CADM2: variants seen among roughly 807,000 people sequenced by gnomAD.
CADM2 encodes immunoglobulin superfamily member 4D.
A neutral mutation model predicts 49.8 loss-of-function variants in CADM2; 12 were observed. The ratio of observed to expected loss-of-function variants is 0.24; its 90% CI spans 0.15 to 0.39. The LOEUF (loss-of-function observed/expected upper bound fraction) is 0.39, where lower values mean the gene tolerates loss of function less well. CADM2 is among the 10% of genes least tolerant of loss of function. CADM2 has a pLI of 1.00. For missense variants in CADM2, 378 were observed against 492.3 expected (o/e 0.77, Z 2.20); for synonymous variants, 214 against 175.4 (o/e 1.22, Z -1.74).
chr3:85,629,571 C>G lies in CADM2; in HGVS notation c.62-96951C>G, dbSNP rs551986955. ...AGCAGTGGTGATTTTTGATGGCCTC[C>G]AAGATGTCAGCCATTGTATTAGATG... is the stretch of plus-strand genomic sequence containing the variant. On this transcript the variant is annotated intron_variant, in intron 1 of 9. Coordinates refer to ENST00000383699, the MANE Select transcript of CADM2 (RefSeq NM_001167675.2). Among the ~76,000 whole-genome samples, 8 of 151,998 alleles carry G rather than the reference C, an allele frequency of 5.3e-5. 1 individual carries two copies. In the South Asian group the frequency reaches 1.7e-3, roughly 32 times the overall value.
At chr3:85,764,671 C>T (rs1213752930) in intron 2 of CADM2, among the ~76,000 whole-genome samples, 1 of 151,954 alleles carries the variant, frequency 6.6e-6, no homozygotes, top group East Asian at 1.9e-4. Flanking sequence ...ATCAGCATAT[C>T]AAGAGTGGGG....
At chr3:85,160,697 A>G (rs1167538148) in intron 1 of CADM2, among the ~76,000 whole-genome samples, 2 of 152,146 alleles carry the variant, frequency 1.3e-5, no homozygotes, top group East Asian at 3.8e-4. Context: ...ATTTTCTTTA[A>G]GCTTGTACAA....
intron 1 of CADM2, among the ~76,000 whole-genome samples, chr3:85,363,459 C>T (rs1420483980): frequency 6.6e-6 from 1 of 151,824 alleles, no homozygotes; most frequent in Non-Finnish European, 1.5e-5. Context: ...CAAATACCCC[C>T]AAGTAATCCT....
chr3:85,470,019 T>TC (rs1236437841), intron 1 of CADM2, among the ~76,000 whole-genome samples: 7 of 152,136 alleles, frequency 4.6e-5, no homozygotes, highest in Admixed American at 4.6e-4. Context: ...GCTGAGATGC[T>TC]CAATCCTCAA....
At chr3:85,191,955 G>T (rs1023583052) in intron 1 of CADM2, among the ~76,000 whole-genome samples, 19 of 151,986 alleles carry the variant, frequency 1.3e-4, no homozygotes, top group Middle Eastern at 3.4e-3. Context: ...TTGTGTGTGT[G>T]TGTGTGTGTG....
chr3:84,999,441 T>C (rs1225498870), intron 1 of CADM2, among the ~76,000 whole-genome samples: 3 of 152,138 alleles, frequency 2.0e-5, no homozygotes, highest in African/African-American at 4.8e-5. Flanking sequence ...AACACAGATA[T>C]TTTCTCTCTG....
chr3:85,662,232 G>GTTTTTTTTTT (rs1448845366), intron 1 of CADM2, among the ~76,000 whole-genome samples: 1 of 131,914 alleles, frequency 7.6e-6, no homozygotes, highest in African/African-American at 3.0e-5. Flanking sequence ...AGTATAGGTG[G>GTTTTTTTTTT]GTTTTTTTTT....
intron 1 of CADM2, among the ~76,000 whole-genome samples, chr3:85,298,235 T>C (rs2044013902): frequency 6.6e-6 from 1 of 152,042 alleles, no homozygotes; most frequent in African/African-American, 2.4e-5. Flanking sequence ...ATCAAGTAGA[T>C]TAGCAGGTTT....
intron 1 of CADM2, among the ~76,000 whole-genome samples, chr3:85,271,481 G>A (rs896794205): frequency 1.2e-4 from 18 of 151,246 alleles, no homozygotes; most frequent in East Asian, 9.7e-4. Context: ...AACAGAAGGC[G>A]TTTCCCAAAT....
intron 1 of CADM2, among the ~76,000 whole-genome samples, chr3:85,693,862 C>CTCCA (rs2066467398): frequency 6.9e-6 from 1 of 144,112 alleles, no homozygotes; most frequent in Non-Finnish European, 1.5e-5. Flanking sequence ...CACCACTGTA[C>CTCCA]TCCAGCCTGG....
intron 1 of CADM2, among the ~76,000 whole-genome samples, chr3:85,134,112 C>A (rs1451341014): frequency 6.6e-6 from 1 of 152,228 alleles, no homozygotes; most frequent in Middle Eastern, 3.2e-3. Flanking sequence ...AGGTGCTAAG[C>A]CCCTCATTGC....
At chr3:85,137,239 A>G (rs1422141073) in intron 1 of CADM2, among the ~76,000 whole-genome samples, 1 of 151,992 alleles carries the variant, frequency 6.6e-6, no homozygotes, top group Admixed American at 6.6e-5. Context: ...AACTGAGAAA[A>G]TTTAGTTATT....
chr3:85,494,090 C>A (rs1238176631), intron 1 of CADM2, among the ~76,000 whole-genome samples: 3 of 151,972 alleles, frequency 2.0e-5, no homozygotes, highest in African/African-American at 7.3e-5. Context: ...TCTTTATAAA[C>A]TTTTCGGATA....
At chr3:85,417,568 C>A (rs1340948770) in intron 1 of CADM2, among the ~76,000 whole-genome samples, 1 of 152,130 alleles carries the variant, frequency 6.6e-6, no homozygotes, top group Non-Finnish European at 1.5e-5. Context: ...GTTAGCCATG[C>A]AACTTTTATC....
chr3:85,488,785 T>C (rs1308353547), intron 1 of CADM2, among the ~76,000 whole-genome samples: 1 of 152,108 alleles, frequency 6.6e-6, no homozygotes, highest in Non-Finnish European at 1.5e-5. Flanking sequence ...CTCCTCGGCC[T>C]CCCAAAGTGC....
chr3:85,887,056 T>C (rs959214668), intron 5 of CADM2, among the ~76,000 whole-genome samples: 3 of 152,150 alleles, frequency 2.0e-5, no homozygotes, highest in African/African-American at 4.8e-5. Context: ...TGCAAACCAT[T>C]CTGCTTATTT....
At chr3:85,394,854 C>T (rs2034692356) in intron 1 of CADM2, among the ~76,000 whole-genome samples, 1 of 151,968 alleles carries the variant, frequency 6.6e-6, no homozygotes, top group Non-Finnish European at 1.5e-5. Context: ...CTTAGTGCAT[C>T]CAAAATGTAG....
At chr3:85,221,874 C>T (rs536036499) in intron 1 of CADM2, among the ~76,000 whole-genome samples, 1 of 152,036 alleles carries the variant, frequency 6.6e-6, no homozygotes, top group East Asian at 1.9e-4. Context: ...CTCTAGATAC[C>T]GTTTGAAATC....
At chr3:85,437,537 G>T (rs2107534917) in intron 1 of CADM2, among the ~76,000 whole-genome samples, 1 of 152,186 alleles carries the variant, frequency 6.6e-6, no homozygotes, top group Non-Finnish European at 1.5e-5. Context: ...TCTGGATTTT[G>T]ACCACTCTAA....
Sources: allele counts gnomAD v4.1 joint callset (sites outside exome capture counted in the v4.1 genomes callset), GRCh38; gene constraint gnomAD v4.1.1; transcripts MANE v1.5; gene names NCBI Gene and HGNC (gene_info 2026-07-23, HGNC 2026-07-21).